CRHR1: variants seen among roughly 807,000 people sequenced by gnomAD.
CRHR1 encodes the protein corticotropin-releasing hormone receptor 1.
A neutral mutation model predicts 56.0 loss-of-function variants in CRHR1; 28 were observed. The ratio of observed to expected loss-of-function variants is 0.50; its 90% confidence interval spans 0.37 to 0.69. CRHR1 has a LOEUF of 0.69. CRHR1 is among the 30% of genes least tolerant of loss of function. CRHR1 has a pLI of 0.00. For missense variants in CRHR1, 376 were observed against 548.0 expected (o/e 0.69, Z 3.13); for synonymous variants, 195 against 216.5 (o/e 0.90, Z 0.87).
chr17:45,816,142 G>T (rs1234884206), intron 2 of CRHR1, among the ~76,000 whole-genome samples: 1 of 152,180 alleles, frequency 6.6e-6, no homozygotes, highest in Non-Finnish European at 1.5e-5. Flanking sequence ...CTACAGAGCA[G>T]GGGACCAGAA....
chr17:45,806,134 C>T (rs1170302032), intron 1 of CRHR1, among the ~76,000 whole-genome samples: 1 of 152,198 alleles, frequency 6.6e-6, no homozygotes, highest in African/African-American at 2.4e-5. Context: ...CACTCGGCCT[C>T]TCTCTTGACT....
chr17:45,831,137 G>C (rs2062300365), intron 8 of CRHR1, among the ~76,000 whole-genome samples, 197 bp downstream of exon 8: 1 of 152,200 alleles, frequency 6.6e-6, no homozygotes, highest in Non-Finnish European at 1.5e-5. Context: ...GGCTGGACAA[G>C]CAGGACCCAG....
At chr17:45,816,304 G>C (rs1373617461) in intron 2 of CRHR1, among the ~76,000 whole-genome samples, 159 bp from the exon 3 acceptor site, 1 of 152,214 alleles carries the variant, frequency 6.6e-6, no homozygotes, top group Non-Finnish European at 1.5e-5. Flanking sequence ...CTTTGCATAG[G>C]ATGAGCTCAT....
rs1005689838 is a variant in CRHR1, at chr17:45,817,898, A to G, written c.241+1316A>G. ...GGGGTGCACAGTTGGCCAGCCCCCA[A>G]TATAGTCAGGCCCATTTTGTAATAA... is the stretch of plus-strand genomic sequence containing the variant. On this transcript the variant is annotated intron_variant, in intron 3 of 12. Coordinates refer to ENST00000314537, the MANE Select transcript of CRHR1 (RefSeq NM_004382.5). Among the ~76,000 whole-genome samples, 6 of 152,166 alleles carry G rather than the reference A, an allele frequency of 3.9e-5. No individual in the cohort carries two copies. In the East Asian group the frequency reaches 5.8e-4, roughly 15 times the overall value.
At chr17:45,810,559 C>T (rs2061802711) in intron 2 of CRHR1, among the ~76,000 whole-genome samples, 2 of 152,136 alleles carry the variant, frequency 1.3e-5, no homozygotes, top group East Asian at 1.9e-4. Flanking sequence ...CCACTCAGAG[C>T]CAGGGTGCCC....
intron 1 of CRHR1, among the ~76,000 whole-genome samples, chr17:45,796,361 G>C (rs4458044): frequency 0.21 from 32,210 of 152,102 alleles, 4,455 homozygotes; most frequent in South Asian, 0.31. Context: ...CCCATCCATT[G>C]GCAGGGTCCT....
intron 3 of CRHR1, among the ~76,000 whole-genome samples, chr17:45,819,796 C>T (rs1055857661): frequency 6.6e-6 from 1 of 152,192 alleles, no homozygotes; most frequent in Admixed American, 6.5e-5. Flanking sequence ...CTGAGCAGCT[C>T]CTCAGCAGGG....
chr17:45,803,892 A>AGCATCTGAACTGCCCCTC (rs1456842391), intron 1 of CRHR1, among the ~76,000 whole-genome samples: 1 of 152,156 alleles, frequency 6.6e-6, no homozygotes, highest in Non-Finnish European at 1.5e-5. Context: ...CTCTGGCCCT[A>AGCATCTGAACTGCCCCTC]GCATCTGAAC....
chr17:45,794,545 G>C (rs2061484006), intron 1 of CRHR1, among the ~76,000 whole-genome samples: 3 of 152,208 alleles, frequency 2.0e-5, no homozygotes, highest in Admixed American at 2.0e-4. Context: ...TGGCAGCCAA[G>C]GCTGGGCGAC....
chr17:45,803,446 G>T (rs1461929016), intron 1 of CRHR1, among the ~76,000 whole-genome samples: 1 of 152,106 alleles, frequency 6.6e-6, no homozygotes, highest in Non-Finnish European at 1.5e-5. Context: ...GAGTGCAATG[G>T]CGTGATCTCG....
chr17:45,818,638 G>C (rs997951098), intron 3 of CRHR1, among the ~76,000 whole-genome samples: 1 of 152,234 alleles, frequency 6.6e-6, no homozygotes, highest in Admixed American at 6.5e-5. Context: ...GTCTGTGAGG[G>C]CAGGGCTGGA....
intron 5 of CRHR1, 49 bp from the exon 6 acceptor site, chr17:45,830,045 A>T: frequency 6.2e-7 from 1 of 1,611,648 alleles, no homozygotes; most frequent in Non-Finnish European, 8.5e-7. Context: ...CCTACCCCTC[A>T]TCCTCTCTCT....
In CRHR1 at chr17:45,784,449, C is replaced by T. The variant is rs2061290313; in HGVS notation, c.-96C>T. 2 of 1,279,470 alleles carry T rather than the reference C, an allele frequency of 1.6e-6. No individual in the cohort carries two copies. The highest frequency in any genetic ancestry group is 6.3e-5 in the East Asian group (2 of 31,992). The allele number at this position is 1,279,470 out of a possible 1,614,324, so 79.3% of individuals were successfully genotyped here. A position where few individuals can be genotyped will look rare whatever the true frequency, so the allele number is the denominator to read the frequency against. The stretch of plus-strand genomic sequence containing the variant: ...GGCAGCGACCGAGGAGCCCGGCCGC[C>T]CACCCCGTGCCGCCCGAGCCCGCAG... On this transcript the variant is annotated 5_prime_UTR_variant, in exon 1 of 13. Coordinates refer to ENST00000314537, the MANE Select transcript of CRHR1 (RefSeq NM_004382.5). The surrounding 1 kb of genome is among the most constrained non-coding windows in gnomAD (Gnocchi z 4.2).
chr17:45,796,537 G>A (rs2061521356), intron 1 of CRHR1, among the ~76,000 whole-genome samples: 1 of 151,690 alleles, frequency 6.6e-6, no homozygotes, highest in Non-Finnish European at 1.5e-5. Flanking sequence ...GGCAGGCAGG[G>A]AAACAGGCTG....
chr17:45,802,015 TTTTG>T (rs1568038760), intron 1 of CRHR1, among the ~76,000 whole-genome samples: 4 of 152,118 alleles, frequency 2.6e-5, no homozygotes, highest in African/African-American at 9.7e-5. Flanking sequence ...GTGTTTTTTT[TTTTG>T]TTTGTTTTGT....
chr17:45,833,693 T>TGG, intron 10 of CRHR1, 21 bp from the exon 11 acceptor site: 1 of 1,571,602 alleles, frequency 6.4e-7, no homozygotes, highest in Non-Finnish European at 8.7e-7. Flanking sequence ...ACTCCGAGCC[T>TGG]CCCCACCCGC....
At position 45,807,037 on chromosome 17, in the gene CRHR1, G is replaced by A. The variant is rs774998390; in HGVS notation, c.61G>A (p.Val21Ile). The change falls in exon 2 of 13, where the codon GTC becomes ATC. Residue 21 changes from valine (V) to isoleucine (I), a missense_variant. By Grantham distance (29) the Val-to-Ile change is conservative (BLOSUM62 3). Transcript: ENST00000314537. ...CCTTCTCCTTCTGGGGCTGAACCCC[G>A]TCTCTGCCTCCCTCCAGGACCAGCA... ...KALLLLGLNP[V>I]SASLQDQHCE... 38 of 1,613,834 alleles carry A rather than the reference G, an allele frequency of 2.4e-5. 1 individual carries two copies. In the Admixed American group the frequency reaches 4.0e-4, roughly 17 times the overall value.
intron 1 of CRHR1, among the ~76,000 whole-genome samples, chr17:45,790,847 T>C (rs577463249): frequency 2.6e-4 from 39 of 152,292 alleles, no homozygotes; most frequent in South Asian, 6.2e-4. Context: ...TAAGAGGTAG[T>C]GGGGGCTATC....
chr17:45,832,977 G>A (rs913626571), intron 8 of CRHR1, among the ~76,000 whole-genome samples, 161 bp from the exon 9 acceptor site: 17 of 152,254 alleles, frequency 1.1e-4, no homozygotes, highest in African/African-American at 3.9e-4. Flanking sequence ...TTGAGGCATG[G>A]CAGTGGGATC....
Sources: allele counts gnomAD v4.1 joint callset (sites outside exome capture counted in the v4.1 genomes callset), GRCh38; gene constraint gnomAD v4.1.1; non-coding constraint Gnocchi (gnomAD v3.1); transcripts MANE v1.5; gene names NCBI Gene and HGNC (gene_info 2026-07-23, HGNC 2026-07-21).